The following TGS1 variants were observed in gnomAD, a reference collection of about 807,000 sequenced individuals.
TGS1 encodes the protein trimethylguanosine synthase.
Under a neutral mutation model 92.2 loss-of-function variants are expected in TGS1, and 69 were observed. That is an observed-to-expected ratio of 0.75 (90% CI 0.62 to 0.91). TGS1 has a LOEUF of 0.91. TGS1 is among the 40% of genes least tolerant of loss of function. The pLI, the probability that TGS1 is intolerant of heterozygous loss-of-function variation, is 0.00. For missense variants in TGS1, 1,062 were observed against 1,001.2 expected, an observed-to-expected ratio of 1.06 and a Z score of -0.82; for synonymous variants, 345 against 338.1, an observed-to-expected ratio of 1.02 and a Z score of -0.22.
intron 11 of TGS1, among the ~76,000 whole-genome samples, chr8:55,811,489 C>T (rs889239286): frequency 7.0e-6 from 1 of 142,038 alleles, no homozygotes; most frequent in East Asian, 2.2e-4. Context: ...TGGCCAGGCA[C>T]GGTGGCTCAC....
At chr8:55,823,594 A>G (rs1456957573) in intron 12 of TGS1, among the ~76,000 whole-genome samples, 1 of 152,202 alleles carries the variant, frequency 6.6e-6, no homozygotes, top group Non-Finnish European at 1.5e-5. Context: ...AAAAGTCACT[A>G]GAGGCTAGAC....
intron 12 of TGS1, among the ~76,000 whole-genome samples, chr8:55,819,392 G>A (rs796313007): frequency 1.4e-5 from 2 of 147,460 alleles, no homozygotes; most frequent in African/African-American, 5.0e-5. Flanking sequence ...CACTTCCCGG[G>A]TTCAAGCAAT....
chr8:55,787,037 C>G lies in TGS1; in HGVS notation c.1139C>G (p.Thr380Arg). ...TNEESNSSGN[T>R]NTDPPAEDSQ... ...GAGGAAAGCAACTCATCGGGGAATACAAACACAGACCCACCAGCTGAGGGT... is the reference window on the plus strand; with the variant it reads ...GAGGAAAGCAACTCATCGGGGAATAGAAACACAGACCCACCAGCTGAGGGT... Residue 380 changes from threonine (T) to arginine (R), a missense_variant, in exon 4 of 13, where the codon ACA (threonine) becomes AGA (arginine). By Grantham distance (71) the Thr-to-Arg change is moderately conservative. Transcript: ENST00000260129. 1 of 1,612,214 alleles carries G rather than the reference C, an allele frequency of 6.2e-7. No homozygotes were observed. Among genetic ancestry groups the G allele is most frequent in the Non-Finnish European group, 8.5e-7 (1 of 1,179,080 alleles).
intron 2 of TGS1, among the ~76,000 whole-genome samples, chr8:55,784,288 AAATG>A (rs1405597388): frequency 6.6e-6 from 1 of 152,200 alleles, no homozygotes; most frequent in African/African-American, 2.4e-5. Flanking sequence ...TTGTTGTAAT[AAATG>A]GTTTTTCTAT....
intron 8 of TGS1, 118 bp downstream of exon 8, chr8:55,799,338 T>C (rs901182102): frequency 2.0e-6 from 2 of 980,620 alleles, no homozygotes; most frequent in African/African-American, 1.6e-5. Context: ...CTGCTACTTA[T>C]TTTTAAGTGA....
chr8:55,802,408 A>G (rs747068991), intron 8 of TGS1, 49 bp from the exon 9 acceptor site: 4 of 1,496,678 alleles, frequency 2.7e-6, no homozygotes, highest in Middle Eastern at 1.7e-4. Context: ...CACCTGTGAT[A>G]CTAATTTTTT....
chr8:55,795,537 G>C (rs1264803304), intron 6 of TGS1, among the ~76,000 whole-genome samples: 2 of 152,026 alleles, frequency 1.3e-5, no homozygotes, highest in African/African-American at 4.8e-5. Context: ...TGATACGAAG[G>C]GTTCGCTTCT....
At chr8:55,811,738 G>T (rs1406118151) in intron 11 of TGS1, among the ~76,000 whole-genome samples, 3 of 152,148 alleles carry the variant, frequency 2.0e-5, no homozygotes, top group Non-Finnish European at 4.4e-5. Flanking sequence ...TCCAGCCTGG[G>T]CAACGGAGCG....
rs1182813559 is a variant in TGS1, at chr8:55,815,357, C to T, written c.2439+2239C>T. 2.6e-5 allele frequency among the ~76,000 whole-genome samples: 4 copies of T among 152,084 alleles called. No individual in the cohort carries two copies. The East Asian group carries it at 7.7e-4, about 29-fold the overall frequency. On this transcript the variant is annotated intron_variant, in intron 12 of 12. Coordinates refer to ENST00000260129, the MANE Select transcript of TGS1 (RefSeq NM_024831.8). ...TTGCTATCAAATTTTGATCAGATTACAGTGGGAAATCAACTTTTTTTTAAT... is the reference window on the plus strand; with the variant it reads ...TTGCTATCAAATTTTGATCAGATTATAGTGGGAAATCAACTTTTTTTTAAT...
rs553492537 is a variant in TGS1 at position 55,825,614 on chromosome 8, C to G, written c.*911C>G. ...AACATTAAACAGAACATGATACTGG[C>G]TGGGATAAGATTAGAGAATTGAAAC... is the stretch of plus-strand genomic sequence containing the variant. On this transcript the variant is annotated 3_prime_UTR_variant, in exon 13 of 13. Transcript: ENST00000260129. 1.3e-5 allele frequency among the ~76,000 whole-genome samples: 2 copies of G among 152,138 alleles called. No individual in the cohort carries two copies. The highest frequency in any genetic ancestry group is 4.1e-4 in the South Asian group (2 of 4,820).
chr8:55,806,437 C>T (rs886831882), intron 10 of TGS1, among the ~76,000 whole-genome samples: 2 of 149,352 alleles, frequency 1.3e-5, no homozygotes, highest in African/African-American at 4.9e-5. Context: ...ATGTAGTTTC[C>T]TTATGATTTA....
intron 6 of TGS1, among the ~76,000 whole-genome samples, chr8:55,793,770 A>ATT: frequency 7.0e-6 from 1 of 143,680 alleles, no homozygotes; most frequent in African/African-American, 2.8e-5. Context: ...TTATTTATTT[A>ATT]TTTATTTTTT....
Position 55,810,904 on chromosome 8 carries a change from G to C in TGS1, c.2167G>C (p.Val723Leu). 1 of 1,614,028 alleles carries C rather than the reference G, an allele frequency of 6.2e-7. No homozygotes were observed. The highest frequency in any genetic ancestry group is 8.5e-7 in the Non-Finnish European group (1 of 1,179,984). ...AGTGATTGCCATTGATATCGATCCT[G>C]TTAAGATTGCCCTTGCTCGCAATAA... ...MRVIAIDIDP[V>L]KIALARNNAE... The change falls in exon 11 of 13, where the codon GTT becomes CTT. Residue 723 changes from valine to leucine, a missense_variant. Val to Leu is a conservative substitution (Grantham distance 32, BLOSUM62 1). Coordinates refer to ENST00000260129, the MANE Select transcript of TGS1 (RefSeq NM_024831.8).
intron 12 of TGS1, 66 bp downstream of exon 12, chr8:55,813,184 C>T: frequency 8.9e-7 from 1 of 1,125,774 alleles, no homozygotes; most frequent in East Asian, 2.4e-5. Flanking sequence ...GTAAAAGATA[C>T]AGGACATATC....
chr8:55,792,046 T>A (rs1391850310), intron 5 of TGS1, among the ~76,000 whole-genome samples: 3 of 152,232 alleles, frequency 2.0e-5, no homozygotes, highest in African/African-American at 7.2e-5. Context: ...TAGACATTGC[T>A]TGTTAACTCC....
chr8:55,788,711 G>A (rs532463589), intron 4 of TGS1, among the ~76,000 whole-genome samples: 2 of 151,980 alleles, frequency 1.3e-5, no homozygotes, highest in Admixed American at 6.6e-5. Context: ...TGATCCTCCC[G>A]CCTCAGCCTC....
chr8:55,783,699 C>A (rs539920501), intron 2 of TGS1, among the ~76,000 whole-genome samples: 10 of 152,148 alleles, frequency 6.6e-5, no homozygotes, highest in Non-Finnish European at 1.3e-4. Context: ...AAAATTACAG[C>A]GTGGAGTTAG....
At chr8:55,786,191 A>G (rs898787440) in intron 3 of TGS1, 47 bp from the exon 4 acceptor site, 24 of 1,016,442 alleles carry the variant, frequency 2.4e-5, no homozygotes, top group East Asian at 2.7e-5. Context: ...ACTTTCTTTT[A>G]TAGTTCATAA....
intron 1 of TGS1, among the ~76,000 whole-genome samples, chr8:55,780,711 G>A (rs760077398): frequency 1.3e-5 from 2 of 151,960 alleles, no homozygotes; most frequent in East Asian, 1.9e-4. Flanking sequence ...TGTCTTCTTC[G>A]CTCCTACTGC....
Sources: allele counts gnomAD v4.1 joint callset (sites outside exome capture counted in the v4.1 genomes callset), GRCh38; gene constraint gnomAD v4.1.1; transcripts MANE v1.5; gene names NCBI Gene and HGNC (gene_info 2026-07-23, HGNC 2026-07-21).